Variants in PTPRD observed in about 807,000 individuals in gnomAD.
The protein encoded by PTPRD is protein tyrosine phosphatase receptor type D.
PTPRD carries 34 observed loss-of-function variants against 214.5 expected under a neutral mutation model. That is an observed-to-expected ratio of 0.16 (90% confidence interval 0.12 to 0.21). PTPRD has a LOEUF of 0.21. PTPRD is among the 10% of genes least tolerant of loss of function. The pLI, the probability that PTPRD is intolerant of heterozygous loss-of-function variation, is 1.00. For missense variants in PTPRD, 2,545 were observed against 2,398.7 expected (o/e 1.06, Z -1.27); for synonymous variants, 1,128 against 845.7 (o/e 1.33, Z -5.79).
chr9:9,439,113 G>C (rs1388800602), intron 8 of PTPRD, among the ~76,000 whole-genome samples: 2 of 151,978 alleles, frequency 1.3e-5, no homozygotes, highest in Non-Finnish European at 2.9e-5. Context: ...GTAGTATAAA[G>C]TAGCATTAAA....
At chr9:8,579,577 A>T (rs1373483790) in intron 14 of PTPRD, among the ~76,000 whole-genome samples, 1 of 152,230 alleles carries the variant, frequency 6.6e-6, no homozygotes, top group African/African-American at 2.4e-5. Context: ...GTCATAAAAG[A>T]AGTCACATTC....
intron 11 of PTPRD, among the ~76,000 whole-genome samples, chr9:8,851,411 C>T (rs1325149220): frequency 6.6e-6 from 1 of 152,040 alleles, no homozygotes; most frequent in Non-Finnish European, 1.5e-5. Context: ...AACAACATAC[C>T]GTGCCATGCT....
Position 8,486,312 on chromosome 9 carries a change from C to G in PTPRD, c.2505G>C (p.Gln835His), listed in dbSNP as rs769862703. Residue 835 changes from glutamine to histidine, a missense_variant, in exon 28 of 46, where the codon CAG becomes CAC. Gln to His is a conservative substitution (Grantham distance 24). Coordinates refer to ENST00000381196, the MANE Select transcript of PTPRD (RefSeq NM_002839.4). ...GKPRLVINHT[Q>H]MNTALIQWHP... ...GCCACTGAATAAGAGCAGTATTCATCTGAGTGTGGTTAATCACAAGCCGAG... is the reference window on the plus strand; with the variant it reads ...GCCACTGAATAAGAGCAGTATTCATGTGAGTGTGGTTAATCACAAGCCGAG... 9 of 1,614,150 alleles carry G rather than the reference C, an allele frequency of 5.6e-6. No homozygotes were observed. The South Asian group carries it at 9.9e-5, about 18-fold the overall frequency.
chr9:9,172,158 A>G (rs570441516), intron 10 of PTPRD, among the ~76,000 whole-genome samples: 1 of 152,286 alleles, frequency 6.6e-6, no homozygotes, highest in African/African-American at 2.4e-5. Flanking sequence ...TTTGGAAAAG[A>G]TACAAATATA....
chr9:9,431,696 C>T (rs988358245), intron 8 of PTPRD, among the ~76,000 whole-genome samples: 10 of 151,976 alleles, frequency 6.6e-5, no homozygotes, highest in African/African-American at 2.4e-4. Flanking sequence ...AAATGTGGCA[C>T]ATATACACCA....
intron 3 of PTPRD, among the ~76,000 whole-genome samples, chr9:10,244,437 G>C (rs2091720375): frequency 6.6e-6 from 1 of 152,110 alleles, no homozygotes; most frequent in Admixed American, 6.6e-5. Flanking sequence ...ATGTTGATAT[G>C]TGTGGCATGA....
intron 12 of PTPRD, among the ~76,000 whole-genome samples, chr9:8,639,959 C>A (rs1381188994): frequency 6.6e-6 from 1 of 152,138 alleles, no homozygotes; most frequent in Non-Finnish European, 1.5e-5. Context: ...GAGACAGGGT[C>A]TTGGTCTGTC....
At chr9:9,712,813 C>A (rs1411611343) in intron 7 of PTPRD, among the ~76,000 whole-genome samples, 2 of 152,106 alleles carry the variant, frequency 1.3e-5, no homozygotes, top group East Asian at 3.9e-4. Context: ...AGTTTATTAT[C>A]TAGCATAGCT....
chr9:9,808,788 TAG>T (rs779758465), intron 5 of PTPRD, among the ~76,000 whole-genome samples: 2 of 152,118 alleles, frequency 1.3e-5, no homozygotes, highest in Non-Finnish European at 2.9e-5. Context: ...TTAATTAATT[TAG>T]ATACTGGGTC....
At chr9:9,833,576 T>C (rs2055692328) in intron 5 of PTPRD, among the ~76,000 whole-genome samples, 1 of 104,818 alleles carries the variant, frequency 9.5e-6, no homozygotes, top group Non-Finnish European at 2.0e-5. Flanking sequence ...GACCAAAATT[T>C]ATTAGGCGGG....
intron 3 of PTPRD, among the ~76,000 whole-genome samples, chr9:10,309,307 C>A (rs573030431): frequency 6.6e-6 from 1 of 151,712 alleles, no homozygotes; most frequent in African/African-American, 2.4e-5. Flanking sequence ...AATACTATTC[C>A]TTTGAAACCC....
At chr9:9,595,306 ATAT>A (rs1592515373) in intron 7 of PTPRD, among the ~76,000 whole-genome samples, 2 of 77,386 alleles carry the variant, frequency 2.6e-5, no homozygotes, top group East Asian at 6.1e-4. Context: ...ATATATATAT[ATAT>A]ATTATATATA....
rs139390674 is a variant in PTPRD, at chr9:9,684,978, C to G, written c.-287+49555G>C. ...CACAGTTGTGTTAAGAATCTTATTT[C>G]GGTTGATAGCCTGAAGCCCATGTCC... On this transcript the variant is annotated intron_variant, in intron 7 of 45. Transcript: ENST00000381196. Among the ~76,000 whole-genome samples the G allele has an allele frequency of 8.2e-3, 1,248 of 151,560 alleles. 15 individuals carry two copies. The highest frequency in any genetic ancestry group is 0.029 in the African/African-American group (1,185 of 41,452).
rs2099610364 is a variant in PTPRD, at chr9:10,231,663, A to C, written c.-545+109300T>G. 2.0e-5 allele frequency among the ~76,000 whole-genome samples: 3 copies of C among 152,090 alleles called. No homozygotes were observed. The South Asian group carries it at 6.2e-4, about 32-fold the overall frequency. On this transcript the variant is annotated intron_variant, in intron 3 of 45. Coordinates refer to ENST00000381196, the MANE Select transcript of PTPRD (RefSeq NM_002839.4). ...GCCTGGCAAATAGTAAGTGCTTAAT[A>C]AATGCTTGTTGAATGAGTGATTTTT... is the stretch of plus-strand genomic sequence containing the variant.
intron 11 of PTPRD, among the ~76,000 whole-genome samples, chr9:8,835,660 G>GC (rs1217784559): frequency 1.3e-5 from 2 of 152,126 alleles, no homozygotes; most frequent in Admixed American, 6.5e-5. Flanking sequence ...CTCCTGAGTA[G>GC]CTGGAACCAC....
chr9:10,581,342 T>C (rs1227925295), intron 2 of PTPRD, among the ~76,000 whole-genome samples: 1 of 152,186 alleles, frequency 6.6e-6, no homozygotes, highest in East Asian at 1.9e-4. Flanking sequence ...GACAAAATAT[T>C]TTTCTTGCAT....
At chr9:9,245,943 T>C (rs1371038165) in intron 9 of PTPRD, among the ~76,000 whole-genome samples, 1 of 152,072 alleles carries the variant, frequency 6.6e-6, no homozygotes, top group Non-Finnish European at 1.5e-5. Context: ...AAAAGTCCAG[T>C]CTGAGATTCC....
At position 9,045,827 on chromosome 9, in the gene PTPRD, A is replaced by G. The variant is rs970486155; in HGVS notation, c.-142-27092T>C. Among the ~76,000 whole-genome samples, 5 of 152,172 alleles carry G rather than the reference A, an allele frequency of 3.3e-5. No individual in the cohort carries two copies. The East Asian group carries it at 7.7e-4, about 23-fold the overall frequency. On this transcript the variant is annotated intron_variant, in intron 10 of 45. Transcript: ENST00000381196. The stretch of plus-strand genomic sequence containing the variant: ...TGATCAGAAAGCTGTAAAAACTGCA[A>G]AATGCTTGAGATATGCAGACTTTTT...
intron 12 of PTPRD, among the ~76,000 whole-genome samples, chr9:8,721,097 C>A (rs2098490529): frequency 6.7e-6 from 1 of 150,032 alleles, no homozygotes; most frequent in Admixed American, 6.6e-5. Context: ...GTTGCCTACA[C>A]TTAGAATATT....
Sources: gnomAD v4.1 joint callset for allele counts (sites outside exome capture counted in the v4.1 genomes callset) on GRCh38, gnomAD v4.1.1 for gene constraint, MANE v1.5 for transcripts, NCBI Gene and HGNC (gene_info 2026-07-23, HGNC 2026-07-21) for gene names.